The following DPH3 variants were observed in gnomAD, a reference collection of about 807,000 sequenced individuals.
The protein encoded by DPH3 is diphthamide biosynthesis 3, also known as diphthamide biosynthesis protein 3.
Under a neutral mutation model 10.2 loss-of-function variants are expected in DPH3, and 8 were observed. The observed-to-expected ratio is 0.79, with a 90% CI of 0.46 to 1.42. DPH3 has a LOEUF of 1.42. Ranked by LOEUF, DPH3 falls within the 40% of genes most tolerant of loss-of-function variation. DPH3 has a pLI of 0.00. For missense variants in DPH3, 96 were observed against 98.9 expected, an observed-to-expected ratio of 0.97 and a Z score of 0.12; for synonymous variants, 35 against 35.6, an observed-to-expected ratio of 0.98 and a Z score of 0.06.
chr3:16,264,704 G>C (rs962241921), intron 1 of DPH3, 65 bp downstream of exon 1: 4 of 1,498,106 alleles, frequency 2.7e-6, no homozygotes, highest in East Asian at 2.3e-5. Context: ...CCCAATGATG[G>C]AAGGAACGGG....
intron 1 of DPH3, 49 bp downstream of exon 1, chr3:16,264,720 C>G (rs773007697): frequency 6.3e-7 from 1 of 1,582,240 alleles, no homozygotes; most frequent in Admixed American, 1.7e-5. Context: ...ACGGGCGGAA[C>G]CAAACTGCGC....
At chr3:16,260,945 C>T in intron 2 of DPH3, 116 bp from the exon 3 acceptor site, 1 of 872,226 alleles carries the variant, frequency 1.1e-6, no homozygotes, top group Non-Finnish European at 1.8e-6. Context: ...TTTTCATTTG[C>T]TATTATCATT....
In DPH3 at chr3:16,260,440, T is replaced by C. The variant is rs756798573; in HGVS notation, c.*324A>G. The C allele has an allele frequency of 2.0e-5, 5 of 247,498 alleles. No homozygotes were observed. In the East Asian group the frequency reaches 3.1e-4, roughly 15 times the overall value. 15.3% of individuals were successfully genotyped at this position (247,498 alleles called of 1,614,324 possible). A position where few individuals can be genotyped will look rare whatever the true frequency, so the allele number is the denominator to read the frequency against. On this transcript the variant is annotated 3_prime_UTR_variant, in exon 3 of 3. Coordinates refer to ENST00000488423, the MANE Select transcript of DPH3 (RefSeq NM_206831.3). ...CTAATGACTGAGGTAGATGATGCTG[T>C]TGTCAGATACCGAAGTAATTTGGTT...
At position 16,261,904 on chromosome 3, in the gene DPH3, T is replaced by C. The variant is rs2064294864; in HGVS notation, c.184-1075A>G. Among the ~76,000 whole-genome samples, 1 of 152,110 alleles carries C rather than the reference T, an allele frequency of 6.6e-6. No homozygotes were observed. Among genetic ancestry groups the C allele is most frequent in the African/African-American group, 2.4e-5 (1 of 41,416 alleles). On this transcript the variant is annotated intron_variant, in intron 2 of 2. Coordinates refer to ENST00000488423, the MANE Select transcript of DPH3 (RefSeq NM_206831.3). This position sits in a 1 kb window ranked among gnomAD's most constrained non-coding sequence, Gnocchi z 7.1. ...TTGCTATTCTTCTCTGTTGCTGTCA[T>C]TTATCCACCCTGGATGCCATATTCC...
chr3:16,261,393 G>C lies in DPH3; in HGVS notation c.184-564C>G, dbSNP rs150612128. ...ACCTCCAGCAATCTGATTCCCGAAG[G>C]ATCAGCCCCTACTCTGTCCCTGCTA... On this transcript the variant is annotated intron_variant, in intron 2 of 2. Transcript: ENST00000488423. This position sits in a 1 kb window ranked among gnomAD's most constrained non-coding sequence, Gnocchi z 7.1. 2.9e-3 allele frequency among the ~76,000 whole-genome samples: 440 copies of C among 152,302 alleles called. 1 individual carries two copies. The highest frequency in any genetic ancestry group is 4.1e-3 in the South Asian group (20 of 4,832).
In DPH3 at chr3:16,264,819, C is replaced by G. The variant is rs773956121; in HGVS notation, c.58G>C (p.Glu20Gln). 1.9e-6 allele frequency: 3 copies of G among 1,614,234 alleles called. No homozygotes were observed. Among genetic ancestry groups the G allele is most frequent in the South Asian group, 2.2e-5 (2 of 91,086 alleles). ...CATGGGCAGGGATAGAAATACGTCT[C>G]CGAGTCCTCGTCATATTGGAAGTCC... The part of the protein sequence containing the change: ...IEDFQYDEDS[E>Q]TYFYPCPCGD... The change falls in exon 1 of 3, where the codon GAG becomes CAG. Residue 20 changes from glutamate (E) to glutamine (Q), a missense_variant. By Grantham distance (29) the Glu-to-Gln change is conservative. Transcript: ENST00000488423.
chr3:16,264,512 C>G (rs1442996046), intron 1 of DPH3: 1 of 574,936 alleles, frequency 1.7e-6, no homozygotes, highest in Non-Finnish European at 3.1e-6. Flanking sequence ...GGTTGGGACC[C>G]TAAGGCAGGG....
In DPH3 at chr3:16,261,318, T is replaced by C. The variant is rs1044401502; in HGVS notation, c.184-489A>G. Among the ~76,000 whole-genome samples the C allele has an allele frequency of 1.3e-5, 2 of 152,344 alleles. No individual in the cohort carries two copies. Among genetic ancestry groups the C allele is most frequent in the Middle Eastern group, 3.4e-3 (1 of 294 alleles). On this transcript the variant is annotated intron_variant, in intron 2 of 2. Transcript: ENST00000488423. The surrounding 1 kb of genome is among the most constrained non-coding windows in gnomAD (Gnocchi z 7.1). ...AAGTTCAATCTCTGGTCTTTTATCC[T>C]GGCTTATGTCAGCTACCACCAAAAA...
chr3:16,262,222 C>T lies in DPH3; in HGVS notation c.184-1393G>A, dbSNP rs1039731232. 2.6e-5 allele frequency among the ~76,000 whole-genome samples: 4 copies of T among 152,180 alleles called. No individual in the cohort carries two copies. The highest frequency in any genetic ancestry group is 9.7e-5 in the African/African-American group (4 of 41,432). On this transcript the variant is annotated intron_variant, in intron 2 of 2. Transcript: ENST00000488423. The surrounding 1 kb of genome is among the most constrained non-coding windows in gnomAD (Gnocchi z 4.7). ...TGCAGCAAACTCCTTAAAAGAAATG[C>T]CTATACTCACTGCCTTCTGTTCTCT...
rs552170096 is a variant in DPH3 at position 16,262,681 on chromosome 3, C to T, written c.183+1474G>A. Among the ~76,000 whole-genome samples, 2 of 152,284 alleles carry T rather than the reference C, an allele frequency of 1.3e-5. No individual in the cohort carries two copies. The highest frequency in any genetic ancestry group is 2.9e-5 in the Non-Finnish European group (2 of 68,024). On this transcript the variant is annotated intron_variant, in intron 2 of 2. Transcript: ENST00000488423. This position sits in a 1 kb window ranked among gnomAD's most constrained non-coding sequence, Gnocchi z 4.7. Reference sequence around the variant, plus strand: ...ATTGCTAGCCAATCTCTCTCATGAACGCCAGACATGCATATCCAATTGCCT... The same window carrying T: ...ATTGCTAGCCAATCTCTCTCATGAATGCCAGACATGCATATCCAATTGCCT...
intron 1 of DPH3, 139 bp downstream of exon 1, chr3:16,264,630 C>G (rs1164713660): frequency 3.7e-6 from 3 of 816,682 alleles, no homozygotes; most frequent in Non-Finnish European, 5.8e-6. Flanking sequence ...GGTGGGGGGA[C>G]GCGGGAGGAG....
rs1403159778 is a variant in DPH3, at chr3:16,258,725, T to G, written c.*2039A>C. On this transcript the variant is annotated 3_prime_UTR_variant, in exon 3 of 3. Coordinates refer to ENST00000488423, the MANE Select transcript of DPH3 (RefSeq NM_206831.3). ...GCCTTAGCTTCCTGAGTAGCTGGGA[T>G]TACAGGCACGAGCCACTGCGCCTGG... 6.6e-6 allele frequency: 1 copy of G among 152,268 alleles called. No homozygotes were observed. The highest frequency in any genetic ancestry group is 6.5e-5 in the Admixed American group (1 of 15,280). 9.4% of individuals were successfully genotyped at this position (152,268 alleles called of 1,614,324 possible).
Position 16,261,292 on chromosome 3 carries a change from G to A in DPH3, c.184-463C>T, listed in dbSNP as rs1279763085. 2.0e-5 allele frequency among the ~76,000 whole-genome samples: 3 copies of A among 152,194 alleles called. No individual in the cohort carries two copies. Among genetic ancestry groups the A allele is most frequent in the Non-Finnish European group, 2.9e-5 (2 of 68,036 alleles). On this transcript the variant is annotated intron_variant, in intron 2 of 2. Coordinates refer to ENST00000488423, the MANE Select transcript of DPH3 (RefSeq NM_206831.3). This position sits in a 1 kb window ranked among gnomAD's most constrained non-coding sequence, Gnocchi z 7.1. ...CTGCTATGTTAGCTACTTTGTAAAT[G>A]AAGTTCAATCTCTGGTCTTTTATCC...
At position 16,264,841 on chromosome 3, in the gene DPH3, G is replaced by A; in HGVS notation, c.36C>T (p.Asp12=). ...TCTCCGAGTCCTCGTCATATTGGAA[G>A]TCCTCGATTTCCACCTCGTCATGAA... ...AVFHDEVEIE[D]FQYDEDSETY... Residue 12 remains aspartate, a synonymous_variant, in exon 1 of 3, where the codon GAC becomes GAT. Transcript: ENST00000488423. 6.2e-7 allele frequency: 1 copy of A among 1,614,226 alleles called. No homozygotes were observed.
rs1029687696 is a variant in DPH3 at position 16,259,591 on chromosome 3, C to G, written c.*1173G>C. On this transcript the variant is annotated 3_prime_UTR_variant, in exon 3 of 3. Transcript: ENST00000488423. Reference sequence around the variant, plus strand: ...CAATGTAAATGATTCTAATTTCTTGCTATGCTTAGTACTGCAGCAAAAGAA... The same window carrying G: ...CAATGTAAATGATTCTAATTTCTTGGTATGCTTAGTACTGCAGCAAAAGAA... 3.3e-5 allele frequency: 5 copies of G among 152,170 alleles called. No homozygotes were observed. Among genetic ancestry groups the G allele is most frequent in the Non-Finnish European group, 5.9e-5 (4 of 68,034 alleles). 9.4% of individuals were successfully genotyped at this position (152,170 alleles called of 1,614,324 possible).
rs138412144 is a variant in DPH3, at chr3:16,259,413, A to G, written c.*1351T>C. On this transcript the variant is annotated 3_prime_UTR_variant, in exon 3 of 3. Transcript: ENST00000488423. ...AACGTCCAATGAATGTGTGCAGTAC[A>G]TTTACCAGTAACAGAACATTTACAT... 4 of 152,254 alleles carry G rather than the reference A, an allele frequency of 2.6e-5. No individual in the cohort carries two copies. Among genetic ancestry groups the G allele is most frequent in the Admixed American group, 6.5e-5 (1 of 15,286 alleles). 9.4% of individuals were successfully genotyped at this position (152,254 alleles called of 1,614,324 possible). A position where few individuals can be genotyped will look rare whatever the true frequency, so the allele number is the denominator to read the frequency against.
At chr3:16,264,123 C>A (rs1223881101) in intron 2 of DPH3, 32 bp downstream of exon 2, 2 of 1,525,690 alleles carry the variant, frequency 1.3e-6, no homozygotes, top group Non-Finnish European at 9.0e-7. Context: ...ACTTACAATA[C>A]CCTTCCCCCG....
chr3:16,260,821 A>C lies in DPH3; in HGVS notation c.192T>G (p.Phe64Leu). ...GGGCTGGGACTGTTTCTCCACACAC[A>C]AACTGATCCTAAGACAGAGTGAGAA... is the stretch of plus-strand genomic sequence containing the variant. ...IIKVIYDKDQ[F>L]VCGETVPAPS... is the part of the protein sequence containing the mutation. Residue 64 changes from phenylalanine to leucine, a missense_variant, in exon 3 of 3, where the codon TTT (phenylalanine) becomes TTG (leucine). Coordinates refer to ENST00000488423, the MANE Select transcript of DPH3 (RefSeq NM_206831.3). 1 of 1,613,866 alleles carries C rather than the reference A, an allele frequency of 6.2e-7. No homozygotes were observed.
rs190627995 is a variant in DPH3, at chr3:16,261,021, G to T, written c.184-192C>A. ...AATCTTAAACATGTATCAGTTTTTT[G>T]ATCTGAATTCATTATTTAATACAAA... On this transcript the variant is annotated intron_variant, in intron 2 of 2. Coordinates refer to ENST00000488423, the MANE Select transcript of DPH3 (RefSeq NM_206831.3). The surrounding 1 kb of genome is among the most constrained non-coding windows in gnomAD (Gnocchi z 7.1). Among the ~76,000 whole-genome samples, 66 of 152,224 alleles carry T rather than the reference G, an allele frequency of 4.3e-4. No homozygotes were observed. The highest frequency in any genetic ancestry group is 3.5e-3 in the East Asian group (18 of 5,182).
Sources: gnomAD v4.1 joint callset for allele counts (sites outside exome capture counted in the v4.1 genomes callset) on GRCh38, gnomAD v4.1.1 for gene constraint, Gnocchi (gnomAD v3.1) non-coding constraint, MANE v1.5 for transcripts, NCBI Gene and HGNC (gene_info 2026-07-23, HGNC 2026-07-21) for gene names.